RBFOX1: variants seen among roughly 807,000 people sequenced by gnomAD.
RBFOX1 encodes the protein RNA binding fox-1 homolog 1.
RBFOX1 carries 8 observed loss-of-function variants against 57.7 expected under a neutral mutation model. The ratio of observed to expected loss-of-function variants is 0.14; its 90% CI spans 0.08 to 0.25. RBFOX1 has a LOEUF of 0.25. Ranked by LOEUF, RBFOX1 falls within the 10% of genes least tolerant of loss-of-function variation. RBFOX1 has a pLI of 1.00. For missense variants in RBFOX1, 611 were observed against 548.5 expected (o/e 1.11, Z -1.14); for synonymous variants, 326 against 222.4 (o/e 1.47, Z -4.15).
At chr16:6,262,449 G>C (rs149872393) in intron 1 of RBFOX1, among the ~76,000 whole-genome samples, 46 of 152,256 alleles carry the variant, frequency 3.0e-4, no homozygotes, top group African/African-American at 1.1e-3. Flanking sequence ...AGAAAAAAAG[G>C]AGAGATGGGG....
At chr16:5,756,580 C>T (rs79139630) in intron 3 of RBFOX1, among the ~76,000 whole-genome samples, 2 of 152,160 alleles carry the variant, frequency 1.3e-5, no homozygotes, top group African/African-American at 4.8e-5. Context: ...CCCATTCCTT[C>T]TGGAGCAATA....
At position 5,338,741 on chromosome 16, in the gene RBFOX1, C is replaced by G. The variant is rs558678833; in HGVS notation, c.219+98636C>G. On this transcript the variant is annotated intron_variant, in intron 1 of 2. Transcript: ENST00000585867. ...TGGTGTGATCATAGTTCACTGGAGC[C>G]TCTGCCTCCTGGCCTCAGGCAATCC... 2.4e-4 allele frequency among the ~76,000 whole-genome samples: 37 copies of G among 152,286 alleles called. 1 individual carries two copies. The highest frequency in any genetic ancestry group is 7.9e-4 in the African/African-American group (33 of 41,558).
chr16:5,488,975 C>T (rs78374167), intron 2 of RBFOX1, among the ~76,000 whole-genome samples: 2,458 of 152,312 alleles, frequency 0.016, 73 homozygotes, highest in African/African-American at 0.054. Context: ...CTCATTTAGT[C>T]TTTGCAAGTG....
intron 5 of RBFOX1, among the ~76,000 whole-genome samples, chr16:7,567,303 C>T: frequency 8.9e-6 from 1 of 111,794 alleles, no homozygotes; most frequent in African/African-American, 3.6e-5. Flanking sequence ...ATATATGGCC[C>T]TATATATATA....
intron 5 of RBFOX1, among the ~76,000 whole-genome samples, chr16:7,538,175 G>T (rs897678710): frequency 6.6e-6 from 1 of 152,180 alleles, no homozygotes; most frequent in African/African-American, 2.4e-5. Flanking sequence ...CCTGCCAGAA[G>T]ATCTGAGAGT....
At chr16:6,766,656 T>C (rs761646232) in intron 3 of RBFOX1, among the ~76,000 whole-genome samples, 44 of 151,986 alleles carry the variant, frequency 2.9e-4, no homozygotes, top group Admixed American at 1.2e-3. Context: ...TTAAATTCTA[T>C]CTAATTAGCC....
In RBFOX1 at chr16:5,864,525, T is replaced by C. The variant is rs1321717560; in HGVS notation, c.319-2778T>C. ...TATTGTGTGTGTGGTGAGGGAGAGA[T>C]GGATGATGTATACATACTTGAGTTT... is the stretch of plus-strand genomic sequence containing the variant. On this transcript the variant is annotated intron_variant, in intron 3 of 19. Coordinates refer to the RBFOX1 transcript ENST00000641259. 3.4e-5 allele frequency among the ~76,000 whole-genome samples: 5 copies of C among 147,188 alleles called. No homozygotes were observed. In the East Asian group the frequency reaches 8.1e-4, roughly 24 times the overall value.
chr16:5,457,335 A>T (rs1366147238), intron 1 of RBFOX1, among the ~76,000 whole-genome samples: 1 of 152,162 alleles, frequency 6.6e-6, no homozygotes, highest in Non-Finnish European at 1.5e-5. Flanking sequence ...GGGTTTCACC[A>T]TGTTGGCCAG....
intron 3 of RBFOX1, among the ~76,000 whole-genome samples, chr16:6,999,811 C>G (rs1375443274): frequency 6.6e-6 from 1 of 151,992 alleles, no homozygotes; most frequent in Non-Finnish European, 1.5e-5. Context: ...TTGGCTCATG[C>G]CTGTAATCCC....
intron 1 of RBFOX1, among the ~76,000 whole-genome samples, chr16:6,184,182 C>T (rs1031816720): frequency 5.3e-5 from 8 of 152,144 alleles, no homozygotes; most frequent in African/African-American, 1.7e-4. Flanking sequence ...TCAGTTACCT[C>T]CCATCCGGCT....
At chr16:7,223,555 C>T (rs1490921166) in intron 4 of RBFOX1, among the ~76,000 whole-genome samples, 4 of 152,118 alleles carry the variant, frequency 2.6e-5, no homozygotes, top group Admixed American at 1.3e-4. Context: ...GGGGCATTTG[C>T]ACAGCCAGTA....
intron 3 of RBFOX1, among the ~76,000 whole-genome samples, chr16:6,892,360 A>AAAAT (rs1397754473): frequency 3.3e-5 from 5 of 152,286 alleles, no homozygotes; most frequent in African/African-American, 1.2e-4. Flanking sequence ...GGAGACTCAG[A>AAAAT]AAATATCTTA....
intron 2 of RBFOX1, among the ~76,000 whole-genome samples, chr16:6,631,742 C>G (rs2098387517): frequency 6.6e-6 from 1 of 152,036 alleles, no homozygotes; most frequent in African/African-American, 2.4e-5. Flanking sequence ...GAGCTGGTGT[C>G]TGAACTGACC....
intron 2 of RBFOX1, among the ~76,000 whole-genome samples, chr16:6,529,306 T>C (rs948818818): frequency 1.3e-5 from 2 of 152,140 alleles, no homozygotes; most frequent in African/African-American, 2.4e-5. Context: ...CTCATGCCTG[T>C]AATCCCAGCA....
intron 4 of RBFOX1, among the ~76,000 whole-genome samples, chr16:7,301,884 G>A (rs753536704): frequency 7.9e-5 from 12 of 152,160 alleles, no homozygotes; most frequent in Non-Finnish European, 1.2e-4. Context: ...TCTGTGGAGT[G>A]ACTTTCTCTT....
chr16:7,528,231 A>T (rs1025984642), intron 5 of RBFOX1, among the ~76,000 whole-genome samples: 1 of 152,198 alleles, frequency 6.6e-6, no homozygotes, highest in Non-Finnish European at 1.5e-5. Context: ...GAGCCATCTG[A>T]CAAGTTTCAT....
chr16:6,728,516 A>T (rs1035719755), intron 3 of RBFOX1, among the ~76,000 whole-genome samples: 2 of 152,276 alleles, frequency 1.3e-5, no homozygotes, highest in East Asian at 3.9e-4. Context: ...TTAATTCTCA[A>T]CGCATCTGAA....
At chr16:5,248,685 A>G (rs1230604916) in intron 1 of RBFOX1, among the ~76,000 whole-genome samples, 1 of 152,052 alleles carries the variant, frequency 6.6e-6, no homozygotes, top group Admixed American at 6.6e-5. Flanking sequence ...GACTGCAAAG[A>G]GATGGCAGAG....
chr16:6,675,480 C>T (rs2057476974), intron 3 of RBFOX1, among the ~76,000 whole-genome samples: 1 of 152,122 alleles, frequency 6.6e-6, no homozygotes, highest in African/African-American at 2.4e-5. Flanking sequence ...GTGACAAAGC[C>T]CTGGGCTTGG....
Sources: allele counts gnomAD v4.1 joint callset (sites outside exome capture counted in the v4.1 genomes callset), GRCh38; gene constraint gnomAD v4.1.1; transcripts MANE v1.5; gene names NCBI Gene and HGNC (gene_info 2026-07-23, HGNC 2026-07-21).